The following PTPN14 variants were observed in gnomAD, a reference collection of about 807,000 sequenced individuals.
PTPN14 encodes the protein tyrosine-protein phosphatase non-receptor type 14.
A neutral mutation model predicts 126.8 loss-of-function variants in PTPN14; 53 were observed. The observed-to-expected ratio is 0.42, with a 90% CI of 0.34 to 0.53. The LOEUF (loss-of-function observed/expected upper bound fraction) is 0.53, where lower values mean the gene tolerates loss of function less well. Ranked by LOEUF, PTPN14 falls within the 20% of genes least tolerant of loss-of-function variation. The pLI is 0.08. For synonymous variants in PTPN14, 630 were observed against 599.3 expected, an observed-to-expected ratio of 1.05 and a Z score of -0.75; for missense variants, 1,257 against 1,552.9, an observed-to-expected ratio of 0.81 and a Z score of 3.20.
At chr1:214,440,564 C>T (rs960313908) in intron 3 of PTPN14, among the ~76,000 whole-genome samples, 1 of 152,164 alleles carries the variant, frequency 6.6e-6, no homozygotes, top group Non-Finnish European at 1.5e-5. Flanking sequence ...ATAAAGTTTT[C>T]AAATGAGCAC....
intron 1 of PTPN14, among the ~76,000 whole-genome samples, chr1:214,522,274 G>T (rs1655280092): frequency 6.6e-6 from 1 of 152,050 alleles, no homozygotes. Flanking sequence ...AACTATGAGA[G>T]ATTTCATACC....
rs1168147641 is a variant in PTPN14 at position 214,414,684 on chromosome 1, C to T, written c.387G>A (p.Gly129=). The T allele has an allele frequency of 1.9e-6, 3 of 1,614,072 alleles. No homozygotes were observed. The highest frequency in any genetic ancestry group is 1.7e-6 in the Non-Finnish European group (2 of 1,179,950). ...YLQVKKDVLE[G]RLRCTLDQVI... is the part of the protein sequence containing the mutation. ...CCTGGTCCAATGTACATCGTAATCG[C>T]CCTTCAAGCACATCTTTTTTGACTT... The change falls in exon 4 of 19, where the codon GGG becomes GGA. Residue 129 remains glycine, a synonymous_variant. Transcript: ENST00000366956.
chr1:214,358,746 C>CTT (rs60944780), intron 18 of PTPN14, among the ~76,000 whole-genome samples: 11,168 of 145,400 alleles, frequency 0.077, 1,145 homozygotes, highest in African/African-American at 0.23. Context: ...CTCATTATTC[C>CTT]TTTTTTTTTT....
chr1:214,513,751 G>A (rs1027192262), intron 1 of PTPN14, among the ~76,000 whole-genome samples: 40 of 152,062 alleles, frequency 2.6e-4, no homozygotes, highest in African/African-American at 8.9e-4. Context: ...TCGGTTTCTC[G>A]ATCGGTAAAA....
At chr1:214,434,703 G>A (rs757820020) in intron 3 of PTPN14, among the ~76,000 whole-genome samples, 12 of 152,106 alleles carry the variant, frequency 7.9e-5, no homozygotes, top group Admixed American at 2.0e-4. Flanking sequence ...AATTGGAGTC[G>A]CCCTGGATGA....
chr1:214,496,300 G>A (rs776780662), intron 1 of PTPN14, among the ~76,000 whole-genome samples: 2 of 152,130 alleles, frequency 1.3e-5, no homozygotes, highest in Non-Finnish European at 2.9e-5. Context: ...GTCACACTGC[G>A]GAACATACTT....
intron 1 of PTPN14, among the ~76,000 whole-genome samples, chr1:214,486,008 G>C (rs898113130): frequency 6.6e-6 from 1 of 152,168 alleles, no homozygotes. Flanking sequence ...TTACAGGCGT[G>C]AGCCACCGCA....
chr1:214,510,929 G>A (rs1017027505), intron 1 of PTPN14, among the ~76,000 whole-genome samples: 1 of 152,004 alleles, frequency 6.6e-6, no homozygotes, highest in African/African-American at 2.4e-5. Context: ...CTAGGCTGAA[G>A]TGCAGTGGCA....
intron 1 of PTPN14, among the ~76,000 whole-genome samples, chr1:214,466,946 ACTC>A (rs1228771536): frequency 6.6e-6 from 1 of 151,898 alleles, no homozygotes; most frequent in Non-Finnish European, 1.5e-5. Flanking sequence ...AGCAAAACAC[ACTC>A]CTCAGCCTCC....
At chr1:214,501,555 G>A (rs1205658787) in intron 1 of PTPN14, among the ~76,000 whole-genome samples, 1 of 152,070 alleles carries the variant, frequency 6.6e-6, no homozygotes, top group African/African-American at 2.4e-5. Flanking sequence ...AACAGAGTAA[G>A]TATTCTATGA....
chr1:214,364,768 T>TGTGTGTGTGTGTGC lies in PTPN14; in HGVS notation c.3272-94_3272-93insGCACACACACACAC. On this transcript the variant is annotated intron_variant, in intron 17 of 18. Coordinates refer to ENST00000366956, the MANE Select transcript of PTPN14 (RefSeq NM_005401.5). This position sits in a 1 kb window ranked among gnomAD's most constrained non-coding sequence, Gnocchi z 4.1. ...GGAGCGGAAGAGAACTGATGGTGAGTGTGTGTGTGTGTGTGTGTGTGTGTG... is the reference window on the plus strand; with the variant it reads ...GGAGCGGAAGAGAACTGATGGTGAGTGTGTGTGTGTGTGCGTGTGTGTGTGTGTGTGTGTGTGTG... The TGTGTGTGTGTGTGC allele has an allele frequency of 6.4e-6, 2 of 311,892 alleles. No homozygotes were observed. The allele number at this position is 311,892 out of a possible 1,614,324, so 19.3% of individuals were successfully genotyped here.
intron 1 of PTPN14, among the ~76,000 whole-genome samples, chr1:214,545,065 G>A (rs1655936743): frequency 6.6e-6 from 1 of 152,154 alleles, no homozygotes. Flanking sequence ...CGCTAGCACA[G>A]ATAGAGAGAA....
At position 214,487,253 on chromosome 1, in the gene PTPN14, A is replaced by G. The variant is rs187434609; in HGVS notation, c.-154-22296T>C. On this transcript the variant is annotated intron_variant, in intron 1 of 18. Transcript: ENST00000366956. ...GGAATTAAAGTGAAAGACAGGAATT[A>G]AAGTGAAGGAAGGAGGAGGAGGCAG... 3.4e-4 allele frequency among the ~76,000 whole-genome samples: 30 copies of G among 87,138 alleles called. No homozygotes were observed. In the South Asian group the frequency reaches 4.5e-3, roughly 13 times the overall value. 57.2% of individuals were successfully genotyped at this position (87,138 alleles called of 152,430 possible). A position where few individuals can be genotyped will look rare whatever the true frequency, so the allele number is the denominator to read the frequency against.
At chr1:214,501,212 A>T (rs1654685737) in intron 1 of PTPN14, among the ~76,000 whole-genome samples, 1 of 152,188 alleles carries the variant, frequency 6.6e-6, no homozygotes, top group Non-Finnish European at 1.5e-5. Context: ...CTGGTTAAAC[A>T]CAGAAAACTT....
At chr1:214,419,425 C>T (rs1386681761) in intron 3 of PTPN14, among the ~76,000 whole-genome samples, 2 of 152,118 alleles carry the variant, frequency 1.3e-5, no homozygotes, top group African/African-American at 4.8e-5. Flanking sequence ...TGAAGCCTTT[C>T]CATAAAACTA....
At chr1:214,399,863 C>A (rs1048923974) in intron 7 of PTPN14, among the ~76,000 whole-genome samples, 1 of 152,112 alleles carries the variant, frequency 6.6e-6, no homozygotes, top group African/African-American at 2.4e-5. Context: ...TTAGGTTGTA[C>A]ACTTCTGATA....
At chr1:214,429,483 T>A (rs1659748678) in intron 3 of PTPN14, among the ~76,000 whole-genome samples, 1 of 152,246 alleles carries the variant, frequency 6.6e-6, no homozygotes, top group Non-Finnish European at 1.5e-5. Flanking sequence ...TGTAAAAACA[T>A]TGACAGTCAT....
chr1:214,519,730 C>T (rs1041623590), intron 1 of PTPN14, among the ~76,000 whole-genome samples: 5 of 151,928 alleles, frequency 3.3e-5, no homozygotes, highest in Non-Finnish European at 1.5e-5. Flanking sequence ...TTAACCCTCC[C>T]GCCCCATGAA....
Position 214,355,806 on chromosome 1 carries a change from T to C in PTPN14, c.*2116A>G, listed in dbSNP as rs1657804731. On this transcript the variant is annotated 3_prime_UTR_variant, in exon 19 of 19. Transcript: ENST00000366956. ...ACAAAGGCATACTTTTTCTGGTTGA[T>C]TTGATGTCACTCCATCTTTTTAGCT... 1 of 152,154 alleles carries C rather than the reference T, an allele frequency of 6.6e-6. No individual in the cohort carries two copies. The allele number at this position is 152,154 out of a possible 1,614,324, so 9.4% of individuals were successfully genotyped here.
Sources: allele counts gnomAD v4.1 joint callset (sites outside exome capture counted in the v4.1 genomes callset), GRCh38; gene constraint gnomAD v4.1.1; non-coding constraint Gnocchi (gnomAD v3.1); transcripts MANE v1.5; gene names NCBI Gene and HGNC (gene_info 2026-07-23, HGNC 2026-07-21).